The following CCR6 variants were observed in gnomAD, a reference collection of about 807,000 sequenced individuals.
The protein encoded by CCR6 is C-C chemokine receptor type 6.
In CCR6, 2 loss-of-function variants were observed where a neutral mutation model predicts 3.0. That is an observed-to-expected ratio of 0.66 (90% confidence interval 0.27 to 2.07). The LOEUF (loss-of-function observed/expected upper bound fraction) is 2.07, where lower values mean the gene tolerates loss of function less well. CCR6 is among the 30% of genes most tolerant of loss of function. The pLI is 0.14. For missense variants in CCR6, 322 were observed against 462.8 expected (o/e 0.70, Z 2.79); for synonymous variants, 193 against 184.3 (o/e 1.05, Z -0.38).
chr6:167,117,652 T>G (rs1781521833), intron 1 of CCR6, among the ~76,000 whole-genome samples: 2 of 151,866 alleles, frequency 1.3e-5, no homozygotes, highest in Non-Finnish European at 2.9e-5. Flanking sequence ...CCTGACCTCG[T>G]GATCCGCCCG....
chr6:167,121,067 C>G (rs1781578940), upstream of CCR6: 1 of 152,360 alleles, frequency 6.6e-6, no homozygotes, highest in Non-Finnish European at 1.5e-5. Context: ...GCAGCAGGGT[C>G]TCAATCTCCA....
At chr6:167,131,021 C>T (rs1781754987) in intron 1 of CCR6, among the ~76,000 whole-genome samples, 2 of 148,776 alleles carry the variant, frequency 1.3e-5, no homozygotes, top group African/African-American at 5.1e-5. Context: ...CCTTCTGGGA[C>T]CCCCATCCCT....
At chr6:167,129,693 T>C (rs1448918844) in intron 1 of CCR6, 2 of 151,586 alleles carry the variant, frequency 1.3e-5, no homozygotes, top group Admixed American at 6.6e-5. Flanking sequence ...GCTCAGTCAA[T>C]GAGATATGCC....
upstream of CCR6, among the ~76,000 whole-genome samples, chr6:167,121,729 T>C (rs564153246): frequency 3.3e-4 from 50 of 151,262 alleles, no homozygotes; most frequent in African/African-American, 1.2e-3. Context: ...TCACCCAGAG[T>C]GAAGGAAGTT....
upstream of CCR6, chr6:167,119,252 T>G (rs6939651): frequency 0.19 from 28,593 of 152,532 alleles, 4,383 homozygotes; most frequent in African/African-American, 0.42. Context: ...AAGTCCAGGA[T>G]GCTGGAGGTG....
At chr6:167,129,719 A>G (rs1334095784) in intron 1 of CCR6, 1 of 151,636 alleles carries the variant, frequency 6.6e-6, no homozygotes, top group Non-Finnish European at 1.5e-5. Flanking sequence ...GGTGAAGGAG[A>G]TACTCAGGGG....
chr6:167,135,996 C>T, intron 1 of CCR6, 42 bp from the exon 2 acceptor site: 1 of 857,492 alleles, frequency 1.2e-6, no homozygotes, highest in Non-Finnish European at 1.9e-6. Flanking sequence ...TCCAGGAATA[C>T]CTGTGTTAAC....
intron 1 of CCR6, among the ~76,000 whole-genome samples, chr6:167,132,724 A>G (rs1205551653): frequency 1.3e-5 from 2 of 152,146 alleles, no homozygotes; most frequent in Non-Finnish European, 2.9e-5. Flanking sequence ...TATTTTTAGT[A>G]AAGATGGGGT....
At chr6:167,118,449 A>G (rs1481451146), upstream of CCR6, among the ~76,000 whole-genome samples, 1 of 152,144 alleles carries the variant, frequency 6.6e-6, no homozygotes, top group Admixed American at 6.5e-5. Context: ...AGGTACTTCA[A>G]TGACATCCAT....
chr6:167,121,326 C>T (rs1781583420), upstream of CCR6, among the ~76,000 whole-genome samples: 1 of 152,250 alleles, frequency 6.6e-6, no homozygotes, highest in South Asian at 2.1e-4. Flanking sequence ...TGGTCCCCAG[C>T]AAAGTCCAAT....
At chr6:167,128,642 G>A (rs1333873750) in intron 1 of CCR6, among the ~76,000 whole-genome samples, 1 of 152,218 alleles carries the variant, frequency 6.6e-6, no homozygotes, top group African/African-American at 2.4e-5. Context: ...CACAATCTCA[G>A]CTCTCTGCAA....
chr6:167,136,258 G>A lies in CCR6; in HGVS notation c.28G>A (p.Asp10Asn), dbSNP rs1392913906. MSGESMNFS[D>N]VFDSSEDYFV... Reference sequence around the variant, plus strand: ...TTTCCAGGAATCAATGAATTTCAGCGATGTTTTCGACTCCAGTGAAGATTA... The same window carrying A: ...TTTCCAGGAATCAATGAATTTCAGCAATGTTTTCGACTCCAGTGAAGATTA... The change falls in exon 3 of 3, where the codon GAT becomes AAT. Residue 10 changes from aspartate (D) to asparagine (N), a missense_variant. Transcript: ENST00000341935. This position sits in a 1 kb window ranked among gnomAD's most constrained non-coding sequence, Gnocchi z 4.6. 7.5e-6 allele frequency: 12 copies of A among 1,606,626 alleles called. No individual in the cohort carries two copies. Among genetic ancestry groups the A allele is most frequent in the South Asian group, 6.7e-5 (6 of 90,084 alleles).
upstream of CCR6, among the ~76,000 whole-genome samples, chr6:167,122,008 C>G (rs1333483309): frequency 6.6e-6 from 1 of 152,076 alleles, no homozygotes; most frequent in Non-Finnish European, 1.5e-5. The surrounding 1 kb of genome is among the most constrained non-coding windows in gnomAD (Gnocchi z 4.2). Context: ...CTAGCTGGTT[C>G]CCCAGAGAGA....
intron 1 of CCR6, among the ~76,000 whole-genome samples, chr6:167,133,932 G>GTGTATATATATATATATA (rs1183741225): frequency 0.016 from 1,710 of 110,116 alleles, 231 homozygotes; most frequent in Non-Finnish European, 0.021. Flanking sequence ...ATATATGTGT[G>GTGTATATATATATATATA]TATATATATA....
chr6:167,119,110 C>G (rs1417373192), upstream of CCR6: 1 of 152,654 alleles, frequency 6.6e-6, no homozygotes, highest in Non-Finnish European at 1.5e-5. Flanking sequence ...TTACTGCTCT[C>G]CACCTCGGTG....
At chr6:167,117,566 G>C (rs180997258) in intron 1 of CCR6, among the ~76,000 whole-genome samples, 3,338 of 151,476 alleles carry the variant, frequency 0.022, 143 homozygotes, top group African/African-American at 0.077. Flanking sequence ...ACAGGCGCGC[G>C]CCACCACGCC....
chr6:167,129,038 C>A (rs1235719413), intron 1 of CCR6, among the ~76,000 whole-genome samples: 1 of 152,194 alleles, frequency 6.6e-6, no homozygotes. Flanking sequence ...ATCTAATGAA[C>A]TTGCCTCCTC....
At chr6:167,117,303 C>T (rs979772976) in intron 1 of CCR6, among the ~76,000 whole-genome samples, 38 of 151,114 alleles carry the variant, frequency 2.5e-4, no homozygotes, top group African/African-American at 9.0e-4. Flanking sequence ...GAAGAGTGTT[C>T]GAGGGATCTG....
At chr6:167,117,666 C>T (rs558676959) in intron 1 of CCR6, among the ~76,000 whole-genome samples, 2 of 151,916 alleles carry the variant, frequency 1.3e-5, no homozygotes, top group Non-Finnish European at 2.9e-5. Context: ...CCGCCCGTCT[C>T]AGCCTCCCAA....
Sources: allele counts gnomAD v4.1 joint callset (sites outside exome capture counted in the v4.1 genomes callset), GRCh38; gene constraint gnomAD v4.1.1; non-coding constraint Gnocchi (gnomAD v3.1); transcripts MANE v1.5; gene names NCBI Gene and HGNC (gene_info 2026-07-23, HGNC 2026-07-21).